The following ROBO2 variants were observed in gnomAD, a reference collection of about 807,000 sequenced individuals.
ROBO2 encodes roundabout guidance receptor 2.
Under a neutral mutation model 160.8 loss-of-function variants are expected in ROBO2, and 53 were observed. The ratio of observed to expected loss-of-function variants is 0.33; its 90% CI spans 0.26 to 0.41. The LOEUF (loss-of-function observed/expected upper bound fraction) is 0.41, where lower values mean the gene tolerates loss of function less well. Ranked by LOEUF, ROBO2 falls within the 10% of genes least tolerant of loss-of-function variation. ROBO2 has a pLI of 1.00. For synonymous variants in ROBO2, 664 were observed against 611.7 expected (o/e 1.09, Z -1.26); for missense variants, 1,577 against 1,722.4 (o/e 0.92, Z 1.49).
At chr3:76,409,633 T>C (rs6762174) in intron 2 of ROBO2, among the ~76,000 whole-genome samples, 1 of 151,800 alleles carries the variant, frequency 6.6e-6, no homozygotes, top group African/African-American at 2.4e-5. Flanking sequence ...TTGAAGCATG[T>C]TATCTGGGAC....
intron 4 of ROBO2, among the ~76,000 whole-genome samples, chr3:77,485,242 C>T (rs1056943084): frequency 2.0e-5 from 3 of 152,030 alleles, no homozygotes; most frequent in Non-Finnish European, 4.4e-5. Context: ...AACCAAAATG[C>T]CTTCATTCTC....
At chr3:77,177,177 T>G in intron 2 of ROBO2, among the ~76,000 whole-genome samples, 1 of 152,076 alleles carries the variant, frequency 6.6e-6, no homozygotes, top group Non-Finnish European at 1.5e-5. Context: ...GCAGCCAAAA[T>G]ATTTTGAGTT....
intron 2 of ROBO2, among the ~76,000 whole-genome samples, chr3:77,291,482 G>A (rs1362792384): frequency 2.0e-5 from 3 of 151,754 alleles, no homozygotes; most frequent in Non-Finnish European, 4.4e-5. Context: ...GTAGGCTGAG[G>A]CTAGATCACC....
intron 2 of ROBO2, among the ~76,000 whole-genome samples, chr3:76,505,764 G>C (rs1338683680): frequency 6.6e-6 from 1 of 152,086 alleles, no homozygotes; most frequent in Non-Finnish European, 1.5e-5. Flanking sequence ...TCAGACTCCA[G>C]GAACAAGAGA....
chr3:76,829,325 CT>C (rs1433468646), intron 2 of ROBO2, among the ~76,000 whole-genome samples: 1 of 152,132 alleles, frequency 6.6e-6, no homozygotes, highest in Non-Finnish European at 1.5e-5. Context: ...AGTTGATCTC[CT>C]AGTAGCATTG....
At chr3:77,295,860 A>G (rs1007074329) in intron 2 of ROBO2, among the ~76,000 whole-genome samples, 2 of 150,296 alleles carry the variant, frequency 1.3e-5, no homozygotes, top group African/African-American at 4.9e-5. Flanking sequence ...AGCTGAGGCT[A>G]GATCACCCCA....
intron 2 of ROBO2, among the ~76,000 whole-genome samples, chr3:77,312,071 GC>G (rs952593075): frequency 2.6e-5 from 4 of 151,900 alleles, no homozygotes; most frequent in Admixed American, 6.6e-5. Context: ...CGGCGACACA[GC>G]GAGATTACAT....
rs569822756 is a variant in ROBO2, at chr3:75,915,157, C to G, written c.-14+8197C>G. Among the ~76,000 whole-genome samples, 4 of 152,286 alleles carry G rather than the reference C, an allele frequency of 2.6e-5. No homozygotes were observed. The East Asian group carries it at 7.7e-4, about 29-fold the overall frequency. On this transcript the variant is annotated intron_variant, in intron 1 of 26. Transcript: ENST00000487694. ...GTTACTATTTACTGAATTTGCCTCT[C>G]TAGTTTGATCACAAAACCAGTGAAT...
intron 2 of ROBO2, among the ~76,000 whole-genome samples, chr3:76,644,178 A>T (rs2090847056): frequency 6.6e-6 from 1 of 152,210 alleles, no homozygotes; most frequent in African/African-American, 2.4e-5. Flanking sequence ...GCCCTTGCTT[A>T]CCAAGGCTGC....
chr3:77,317,899 G>A (rs1373864029), intron 2 of ROBO2, among the ~76,000 whole-genome samples: 1 of 106,996 alleles, frequency 9.3e-6, no homozygotes, highest in African/African-American at 3.4e-5. Flanking sequence ...GGGCTGCTAG[G>A]GGCGCTGCTG....
intron 2 of ROBO2, among the ~76,000 whole-genome samples, chr3:76,885,945 G>A (rs1304285807): frequency 6.6e-6 from 1 of 152,266 alleles, no homozygotes; most frequent in Non-Finnish European, 1.5e-5. Context: ...TGAGGAGCGG[G>A]GGAGGGCAGG....
At chr3:76,369,000 C>T (rs1183981579) in intron 2 of ROBO2, among the ~76,000 whole-genome samples, 2 of 151,890 alleles carry the variant, frequency 1.3e-5, no homozygotes, top group Non-Finnish European at 2.9e-5. Flanking sequence ...AATAAAAGAA[C>T]CTTCCCTTGA....
chr3:76,676,838 ACTT>A (rs2092423404), intron 2 of ROBO2, among the ~76,000 whole-genome samples: 1 of 151,872 alleles, frequency 6.6e-6, no homozygotes, highest in South Asian at 2.1e-4. Context: ...GCCACTTCAA[ACTT>A]CTTCTGTCCC....
chr3:77,012,048 T>A (rs2061953795), intron 2 of ROBO2, among the ~76,000 whole-genome samples: 1 of 152,186 alleles, frequency 6.6e-6, no homozygotes, highest in Non-Finnish European at 1.5e-5. Flanking sequence ...TATATTCAAA[T>A]AGCCACTAAG....
At chr3:76,338,347 A>G (rs746828277) in intron 2 of ROBO2, among the ~76,000 whole-genome samples, 5 of 152,122 alleles carry the variant, frequency 3.3e-5, no homozygotes, top group Non-Finnish European at 5.9e-5. Flanking sequence ...TTGCTCACTT[A>G]AGTGATCACA....
At chr3:76,507,209 A>T (rs943738303) in intron 2 of ROBO2, among the ~76,000 whole-genome samples, 3 of 152,120 alleles carry the variant, frequency 2.0e-5, no homozygotes, top group African/African-American at 7.2e-5. Flanking sequence ...GAATTATTTA[A>T]TGGAAATAGA....
intron 2 of ROBO2, among the ~76,000 whole-genome samples, chr3:76,039,708 C>T (rs1046026392): frequency 5.3e-5 from 8 of 151,902 alleles, no homozygotes; most frequent in Admixed American, 6.6e-5. Flanking sequence ...TAATAATAAG[C>T]ATAGATATTT....
intron 2 of ROBO2, among the ~76,000 whole-genome samples, chr3:76,534,307 C>A (rs1434588745): frequency 6.6e-6 from 1 of 152,074 alleles, no homozygotes; most frequent in East Asian, 1.9e-4. Flanking sequence ...AAAATAAGTT[C>A]TCTAAGAACA....
chr3:76,738,148 A>G (rs1381222515), intron 2 of ROBO2, among the ~76,000 whole-genome samples: 2 of 152,136 alleles, frequency 1.3e-5, no homozygotes, highest in South Asian at 2.1e-4. Flanking sequence ...AAAATAAAAA[A>G]TAAAAAAAAG....
Sources: allele counts gnomAD v4.1 joint callset (sites outside exome capture counted in the v4.1 genomes callset), GRCh38; gene constraint gnomAD v4.1.1; transcripts MANE v1.5; gene names NCBI Gene and HGNC (gene_info 2026-07-23, HGNC 2026-07-21).